The following KCNB2 variants were observed in gnomAD, a reference collection of about 807,000 sequenced individuals.
KCNB2 encodes delayed rectifier potassium channel protein.
KCNB2 carries 15 observed loss-of-function variants against 61.5 expected under a neutral mutation model. The ratio of observed to expected loss-of-function variants is 0.24; its 90% CI spans 0.16 to 0.38. The LOEUF (loss-of-function observed/expected upper bound fraction) is 0.38, where lower values mean the gene tolerates loss of function less well. KCNB2 is among the 10% of genes least tolerant of loss of function. KCNB2 has a pLI of 1.00. For synonymous variants in KCNB2, 457 were observed against 446.0 expected, an observed-to-expected ratio of 1.02 and a Z score of -0.31; for missense variants, 828 against 1,125.2, an observed-to-expected ratio of 0.74 and a Z score of 3.78.
At chr8:72,585,863 A>G (rs114886282) in intron 2 of KCNB2, among the ~76,000 whole-genome samples, 3,650 of 152,306 alleles carry the variant, frequency 0.024, 146 homozygotes, top group African/African-American at 0.083. Context: ...TTGTCATTTG[A>G]TATTTTAAAA....
chr8:72,798,201 T>C (rs1028992153), intron 2 of KCNB2, among the ~76,000 whole-genome samples: 1 of 152,182 alleles, frequency 6.6e-6, no homozygotes, highest in African/African-American at 2.4e-5. Context: ...CTGCAAGCTC[T>C]GCCTAGATTA....
At chr8:72,834,113 C>T (rs986384964) in intron 2 of KCNB2, among the ~76,000 whole-genome samples, 1 of 152,090 alleles carries the variant, frequency 6.6e-6, no homozygotes, top group Non-Finnish European at 1.5e-5. Flanking sequence ...TAATTATCTA[C>T]TTATTTATGC....
chr8:72,653,449 T>G (rs1310959974), intron 2 of KCNB2, among the ~76,000 whole-genome samples: 1 of 144,896 alleles, frequency 6.9e-6, no homozygotes. Flanking sequence ...ATTCAGCTTT[T>G]ATTTTTATTT....
chr8:72,842,914 GT>G (rs1341380884), intron 2 of KCNB2, among the ~76,000 whole-genome samples: 1 of 152,110 alleles, frequency 6.6e-6, no homozygotes, highest in East Asian at 1.9e-4. Flanking sequence ...TTTTTGAAGA[GT>G]TTTTTGTGTC....
chr8:72,851,537 GTGTACCTCTCAAC>G (rs1185588518), intron 2 of KCNB2, among the ~76,000 whole-genome samples: 1 of 152,124 alleles, frequency 6.6e-6, no homozygotes, highest in African/African-American at 2.4e-5. Context: ...ACTAAATGCA[GTGTACCTCTCAAC>G]TGAACTTCCA....
At chr8:72,617,983 G>A (rs1423426700) in intron 2 of KCNB2, among the ~76,000 whole-genome samples, 3 of 152,242 alleles carry the variant, frequency 2.0e-5, no homozygotes, top group Middle Eastern at 3.4e-3. Flanking sequence ...TGGAGCATTG[G>A]CAATGACATC....
chr8:72,868,690 A>G (rs543882173), intron 2 of KCNB2, among the ~76,000 whole-genome samples: 157 of 152,348 alleles, frequency 1.0e-3, no homozygotes, highest in Admixed American at 3.1e-3. Context: ...GAACATTTTT[A>G]TAATGCTACC....
At chr8:72,883,324 C>G (rs1462761504) in intron 2 of KCNB2, among the ~76,000 whole-genome samples, 1 of 152,228 alleles carries the variant, frequency 6.6e-6, no homozygotes, top group African/African-American at 2.4e-5. Context: ...GGCGTAACTA[C>G]AGTCTCTGCA....
At chr8:72,799,650 G>T (rs1363744942) in intron 2 of KCNB2, among the ~76,000 whole-genome samples, 1 of 152,092 alleles carries the variant, frequency 6.6e-6, no homozygotes, top group African/African-American at 2.4e-5. Context: ...GGTCTGTCAG[G>T]TATCTAAAAA....
intron 2 of KCNB2, among the ~76,000 whole-genome samples, chr8:72,601,648 G>A (rs1022501291): frequency 2.6e-5 from 4 of 152,202 alleles, no homozygotes; most frequent in African/African-American, 9.6e-5. Context: ...ACTGTGAAGT[G>A]TTTAAGGGGC....
chr8:72,698,466 C>T lies in KCNB2; in HGVS notation c.579+130153C>T, dbSNP rs150931607. 2.1e-3 allele frequency among the ~76,000 whole-genome samples: 321 copies of T among 152,174 alleles called. 3 individuals are homozygous for T. The highest frequency in any genetic ancestry group is 7.3e-3 in the African/African-American group (302 of 41,528). On this transcript the variant is annotated intron_variant, in intron 2 of 2. Coordinates refer to ENST00000523207, the MANE Select transcript of KCNB2 (RefSeq NM_004770.3). ...AGCAATCTACAGATTCAACACTATT[C>T]CTATCAAACTACAAACATCATTTTT... is the stretch of plus-strand genomic sequence containing the variant.
At chr8:72,590,749 T>C (rs533026921) in intron 2 of KCNB2, among the ~76,000 whole-genome samples, 105 of 152,296 alleles carry the variant, frequency 6.9e-4, no homozygotes, top group African/African-American at 2.1e-3. Flanking sequence ...TTCTATTGAG[T>C]CTTAGAAATG....
At chr8:72,809,054 T>C (rs1431902424) in intron 2 of KCNB2, among the ~76,000 whole-genome samples, 1 of 151,944 alleles carries the variant, frequency 6.6e-6, no homozygotes, top group Non-Finnish European at 1.5e-5. Context: ...CAAAACAGAG[T>C]GTTCAATAAA....
chr8:72,666,445 C>T (rs913657845), intron 2 of KCNB2, among the ~76,000 whole-genome samples: 2 of 152,128 alleles, frequency 1.3e-5, no homozygotes, highest in African/African-American at 2.4e-5. Context: ...ATCTGTAACA[C>T]TTTGAAAAGC....
chr8:72,640,978 A>T (rs2128985689), intron 2 of KCNB2, among the ~76,000 whole-genome samples: 1 of 152,230 alleles, frequency 6.6e-6, no homozygotes, highest in East Asian at 1.9e-4. Context: ...CATACTATGC[A>T]CATCTTTATA....
At chr8:72,689,047 G>A (rs1806900367) in intron 2 of KCNB2, among the ~76,000 whole-genome samples, 1 of 152,106 alleles carries the variant, frequency 6.6e-6, no homozygotes, top group Non-Finnish European at 1.5e-5. Context: ...ATTTTAATTT[G>A]TGGTACATTA....
At chr8:72,628,400 G>GGTGTGTGT (rs1160601490) in intron 2 of KCNB2, among the ~76,000 whole-genome samples, 62 of 47,406 alleles carry the variant, frequency 1.3e-3, no homozygotes, top group Non-Finnish European at 2.1e-3. Flanking sequence ...CCTGTTAGGG[G>GGTGTGTGT]GTGTGTGTGT....
intron 2 of KCNB2, among the ~76,000 whole-genome samples, chr8:72,612,021 T>C (rs1805550390): frequency 6.6e-6 from 1 of 152,188 alleles, no homozygotes; most frequent in Non-Finnish European, 1.5e-5. Context: ...TCGCTCACTC[T>C]TGAGTTCAAG....
At chr8:72,630,242 A>G (rs890399447) in intron 2 of KCNB2, among the ~76,000 whole-genome samples, 3 of 152,196 alleles carry the variant, frequency 2.0e-5, no homozygotes, top group Non-Finnish European at 4.4e-5. Flanking sequence ...ACATACCACC[A>G]GTTACCATGG....
Sources: allele counts gnomAD v4.1 joint callset (sites outside exome capture counted in the v4.1 genomes callset), GRCh38; gene constraint gnomAD v4.1.1; transcripts MANE v1.5; gene names NCBI Gene and HGNC (gene_info 2026-07-23, HGNC 2026-07-21).